The following SLC17A8 variants were observed in gnomAD, a reference collection of about 807,000 sequenced individuals.
SLC17A8 encodes the protein solute carrier family 17 member 8, also known as vesicular glutamate transporter 3.
In SLC17A8, 31 loss-of-function variants were observed where a neutral mutation model predicts 58.0. The ratio of observed to expected loss-of-function variants is 0.53; its 90% CI spans 0.40 to 0.72. SLC17A8 has a LOEUF of 0.72. Among genes scored for constraint, SLC17A8 ranks in the 30% least tolerant of loss-of-function variants. The pLI is 0.00. For missense variants in SLC17A8, 655 were observed against 727.8 expected, an observed-to-expected ratio of 0.90 and a Z score of 1.15; for synonymous variants, 228 against 249.0, an observed-to-expected ratio of 0.92 and a Z score of 0.79.
In SLC17A8 at chr12:100,412,831, T is replaced by C; in HGVS notation, c.1248T>C (p.Ala416=). The C allele has an allele frequency of 6.2e-7, 1 of 1,614,172 alleles. No individual in the cohort carries two copies. The highest frequency in any genetic ancestry group is 8.5e-7 in the Non-Finnish European group (1 of 1,180,002). The part of the protein sequence containing the change: ...VVGFSHTKGV[A]ISFLVLAVGF... ...GCTTTTCGCATACCAAAGGGGTGGC[T>C]ATCTCCTTTCTGGTACTTGCTGTAG... The change falls in exon 10 of 12, where the codon GCT becomes GCC. Residue 416 remains alanine (A), a synonymous_variant. Coordinates refer to ENST00000323346, the MANE Select transcript of SLC17A8 (RefSeq NM_139319.3).
chr12:100,381,493 G>C (rs1419206036), intron 2 of SLC17A8, among the ~76,000 whole-genome samples: 3 of 152,050 alleles, frequency 2.0e-5, no homozygotes, highest in Non-Finnish European at 4.4e-5. Flanking sequence ...GGCTGGACCA[G>C]GCAAAGAGGG....
intron 1 of SLC17A8, among the ~76,000 whole-genome samples, chr12:100,357,711 T>C (rs1291057188): frequency 6.6e-6 from 1 of 152,154 alleles, no homozygotes; most frequent in Non-Finnish European, 1.5e-5. Flanking sequence ...TCAAGACAAA[T>C]ATGCTGTTTA....
intron 1 of SLC17A8, among the ~76,000 whole-genome samples, chr12:100,372,188 A>AT (rs1952563220): frequency 6.6e-6 from 1 of 152,010 alleles, no homozygotes; most frequent in Non-Finnish European, 1.5e-5. Context: ...ACAGAAATTT[A>AT]TTTTCTCACA....
At chr12:100,368,905 T>C (rs951062520) in intron 1 of SLC17A8, among the ~76,000 whole-genome samples, 1 of 152,218 alleles carries the variant, frequency 6.6e-6, no homozygotes, top group Admixed American at 6.5e-5. Context: ...GGAAATATGT[T>C]GTATCATTCA....
At chr12:100,397,064 C>A (rs539759040) in intron 5 of SLC17A8, among the ~76,000 whole-genome samples, 4 of 152,292 alleles carry the variant, frequency 2.6e-5, no homozygotes, top group Non-Finnish European at 4.4e-5. Flanking sequence ...CTAACTGTAT[C>A]ATATGCTTTA....
At chr12:100,382,421 G>A (rs1952644143) in intron 2 of SLC17A8, among the ~76,000 whole-genome samples, 1 of 152,192 alleles carries the variant, frequency 6.6e-6, no homozygotes, top group African/African-American at 2.4e-5. Flanking sequence ...ACCTAGAGAA[G>A]TACTGAGGTT....
At chr12:100,411,644 C>A (rs1195246685) in intron 9 of SLC17A8, among the ~76,000 whole-genome samples, 7 of 152,054 alleles carry the variant, frequency 4.6e-5, no homozygotes, top group African/African-American at 1.7e-4. Context: ...TCCTAAGGCA[C>A]TCTATATACT....
rs886048789 is a variant in SLC17A8, at chr12:100,412,836, C to T, written c.1253C>T (p.Ser418Phe). ...GFSHTKGVAI[S>F]FLVLAVGFSG... is the part of the protein sequence containing the mutation. The stretch of plus-strand genomic sequence containing the variant: ...TCGCATACCAAAGGGGTGGCTATCT[C>T]CTTTCTGGTACTTGCTGTAGGATTT... Residue 418 changes from serine (S) to phenylalanine (F), a missense_variant, in exon 10 of 12, where the codon TCC becomes TTC. Ser to Phe is a radical substitution (Grantham distance 155, BLOSUM62 -2). Transcript: ENST00000323346. 6.2e-7 allele frequency: 1 copy of T among 1,614,094 alleles called. No individual in the cohort carries two copies.
chr12:100,404,900 G>A (rs545290132), intron 9 of SLC17A8, among the ~76,000 whole-genome samples: 76 of 152,318 alleles, frequency 5.0e-4, no homozygotes, highest in African/African-American at 1.7e-3. Flanking sequence ...GGAGCCTACC[G>A]CCAAAGCTCT....
chr12:100,420,289 G>C lies in SLC17A8; in HGVS notation c.*130G>C. 1 of 697,984 alleles carries C rather than the reference G, an allele frequency of 1.4e-6. No individual in the cohort carries two copies. The highest frequency in any genetic ancestry group is 2.5e-6 in the Non-Finnish European group (1 of 402,916). 43.2% of individuals were successfully genotyped at this position (697,984 alleles called of 1,614,324 possible). On this transcript the variant is annotated 3_prime_UTR_variant, in exon 12 of 12. Coordinates refer to ENST00000323346, the MANE Select transcript of SLC17A8 (RefSeq NM_139319.3). ...GGGAGAAGATCTAACCAGCAACAGG[G>C]AAAAGAGAAATATTATCTTTCAATG...
intron 2 of SLC17A8, among the ~76,000 whole-genome samples, chr12:100,387,713 G>A (rs1952686254): frequency 6.6e-6 from 1 of 152,178 alleles, no homozygotes; most frequent in Non-Finnish European, 1.5e-5. Context: ...GTCTCTCCAA[G>A]CAATAGAAAG....
chr12:100,386,969 A>G (rs531483915), intron 2 of SLC17A8, among the ~76,000 whole-genome samples: 4 of 152,292 alleles, frequency 2.6e-5, no homozygotes, highest in Admixed American at 6.5e-5. Flanking sequence ...GATTACAGGC[A>G]TGAGCCACTG....
At position 100,390,907 on chromosome 12, in the gene SLC17A8, C is replaced by T. The variant is rs374670766; in HGVS notation, c.355-94C>T. The T allele has an allele frequency of 4.2e-5, 35 of 836,186 alleles. No homozygotes were observed. In the South Asian group the frequency reaches 4.4e-4, roughly 11 times the overall value. The allele number at this position is 836,186 out of a possible 1,614,324, so 51.8% of individuals were successfully genotyped here. ...TGTTAAATAAATGAAAAAAGAAAGA[C>T]CTCATGAGGTAATTATTGTGTAGGC... is the stretch of plus-strand genomic sequence containing the variant. On this transcript the variant is annotated intron_variant, in intron 2 of 11. Transcript: ENST00000323346.
At chr12:100,419,407 A>G (rs372708001) in intron 11 of SLC17A8, among the ~76,000 whole-genome samples, 496 of 152,018 alleles carry the variant, frequency 3.3e-3, no homozygotes, top group Non-Finnish European at 6.0e-3. Context: ...GGTGGCGGGC[A>G]CCTGTAGTCC....
In SLC17A8 at chr12:100,402,362, C is replaced by T. The variant is rs1489883354; in HGVS notation, c.786C>T (p.Tyr262=). ...YIYGMFGIIW[Y]MFWLLQAYEC... ...CAGGCATGTTTGGGATTATTTGGTA[C>T]ATGTTTTGGCTGTTGCAGGCCTATG... The change falls in exon 7 of 12, where the codon TAC becomes TAT. Residue 262 remains tyrosine, a synonymous_variant. Transcript: ENST00000323346. The T allele has an allele frequency of 4.3e-6, 7 of 1,614,056 alleles. No individual in the cohort carries two copies. The highest frequency in any genetic ancestry group is 2.2e-5 in the East Asian group (1 of 44,868).
intron 5 of SLC17A8, among the ~76,000 whole-genome samples, chr12:100,397,400 A>T (rs2136000780): frequency 6.6e-6 from 1 of 152,050 alleles, no homozygotes; most frequent in South Asian, 2.1e-4. Flanking sequence ...CCCAGATAAT[A>T]AGAAGTAGAG....
intron 1 of SLC17A8, among the ~76,000 whole-genome samples, chr12:100,374,472 C>G (rs144558342): frequency 8.9e-4 from 135 of 152,192 alleles, no homozygotes; most frequent in African/African-American, 3.1e-3. Flanking sequence ...ATTAGCCGGG[C>G]GTGGTGGCCT....
intron 4 of SLC17A8, among the ~76,000 whole-genome samples, chr12:100,394,066 T>A (rs1480817490): frequency 6.6e-6 from 1 of 152,238 alleles, no homozygotes; most frequent in African/African-American, 2.4e-5. Flanking sequence ...CATATGATTG[T>A]TGTGTGCCAT....
chr12:100,375,061 G>A (rs1412447788), intron 1 of SLC17A8, among the ~76,000 whole-genome samples: 2 of 151,278 alleles, frequency 1.3e-5, no homozygotes, highest in African/African-American at 4.9e-5. Flanking sequence ...TGTCTAAGAT[G>A]ACACTGTGCA....
Sources: allele counts gnomAD v4.1 joint callset (sites outside exome capture counted in the v4.1 genomes callset), GRCh38; gene constraint gnomAD v4.1.1; transcripts MANE v1.5; gene names NCBI Gene and HGNC (gene_info 2026-07-23, HGNC 2026-07-21).